FMNL2: variants seen among roughly 807,000 people sequenced by gnomAD.
FMNL2 encodes formin-like protein 2.
FMNL2 carries 51 observed loss-of-function variants against 130.2 expected under a neutral mutation model. The ratio of observed to expected loss-of-function variants is 0.39; its 90% CI spans 0.31 to 0.49. The LOEUF (loss-of-function observed/expected upper bound fraction) is 0.49. Ranked by LOEUF, FMNL2 falls within the 20% of genes least tolerant of loss-of-function variation. The pLI is 0.85. For missense variants in FMNL2, 977 were observed against 1,316.2 expected, an observed-to-expected ratio of 0.74 and a Z score of 3.99; for synonymous variants, 465 against 467.1, an observed-to-expected ratio of 1.00 and a Z score of 0.06.
intron 22 of FMNL2, among the ~76,000 whole-genome samples, chr2:152,637,238 A>G (rs1682694123): frequency 6.6e-6 from 1 of 152,146 alleles, no homozygotes; most frequent in African/African-American, 2.4e-5. Flanking sequence ...GGGTTCTGCC[A>G]CGGCCTTTGG....
chr2:152,351,236 A>C (rs1445776889), intron 1 of FMNL2, among the ~76,000 whole-genome samples: 1 of 152,184 alleles, frequency 6.6e-6, no homozygotes, highest in Admixed American at 6.6e-5. Flanking sequence ...CATGTGCAGA[A>C]CGTGCAGGTT....
At chr2:152,521,389 T>A (rs1693077590) in intron 1 of FMNL2, among the ~76,000 whole-genome samples, 1 of 152,190 alleles carries the variant, frequency 6.6e-6, no homozygotes. Flanking sequence ...CTGAGAATTG[T>A]GGTTATTAAT....
chr2:152,492,058 A>G (rs1691241292), intron 1 of FMNL2, among the ~76,000 whole-genome samples: 1 of 152,220 alleles, frequency 6.6e-6, no homozygotes, highest in South Asian at 2.1e-4. Flanking sequence ...TTGCTTTTGT[A>G]AAAATAAAAA....
chr2:152,506,085 G>A (rs1163288638), intron 1 of FMNL2, among the ~76,000 whole-genome samples: 1 of 152,196 alleles, frequency 6.6e-6, no homozygotes, highest in African/African-American at 2.4e-5. Context: ...AAGGTAACTA[G>A]GGTGCTGCGT....
At chr2:152,548,088 G>C (rs1694743737) in intron 3 of FMNL2, among the ~76,000 whole-genome samples, 1 of 152,160 alleles carries the variant, frequency 6.6e-6, no homozygotes, top group South Asian at 2.1e-4. Flanking sequence ...TTCCTGGAAG[G>C]GTAGGTGGGA....
At chr2:152,569,914 G>A (rs1696081901) in intron 6 of FMNL2, among the ~76,000 whole-genome samples, 1 of 151,598 alleles carries the variant, frequency 6.6e-6, no homozygotes, top group Non-Finnish European at 1.5e-5. Flanking sequence ...GGGAGGCTGA[G>A]GCAGGAGAAT....
chr2:152,361,558 T>C (rs151121083), intron 1 of FMNL2, among the ~76,000 whole-genome samples: 94 of 152,208 alleles, frequency 6.2e-4, no homozygotes, highest in Non-Finnish European at 1.2e-3. Flanking sequence ...TTTCTAGGTG[T>C]CTACATTTTA....
At position 152,495,668 on chromosome 2, in the gene FMNL2, G is replaced by T. The variant is rs77547643; in HGVS notation, c.118-26275G>T. ...TCCGTCTCACCAAAAAAAAAAAAAA[G>T]ATTTTTTTCATGCCCTAAAAGCTTT... On this transcript the variant is annotated intron_variant, in intron 1 of 25. Coordinates refer to ENST00000288670, the MANE Select transcript of FMNL2 (RefSeq NM_052905.4). 2.9e-4 allele frequency among the ~76,000 whole-genome samples: 12 copies of T among 41,024 alleles called. 1 individual carries two copies. The highest frequency in any genetic ancestry group is 2.6e-3 in the South Asian group (3 of 1,170). The allele number at this position is 41,024 out of a possible 152,430, so 26.9% of individuals were successfully genotyped here.
chr2:152,357,125 C>G (rs6743018), intron 1 of FMNL2, among the ~76,000 whole-genome samples: 1 of 81,520 alleles, frequency 1.2e-5, no homozygotes, highest in East Asian at 6.3e-4. Context: ...AATATTACAT[C>G]AGTTTAATGT....
chr2:152,636,573 G>T lies in FMNL2; in HGVS notation c.2827G>T (p.Asp943Tyr). ...GGGGAAGCTGAAGAAGCTGCAGGATGATGCCAAGATCGCACAGGCAAGTAT... is the reference window on the plus strand; with the variant it reads ...GGGGAAGCTGAAGAAGCTGCAGGATTATGCCAAGATCGCACAGGCAAGTAT... Reference protein sequence around the residue: ...NEGKLKKLQDDAKIAQDAFDD... With the variant: ...NEGKLKKLQDYAKIAQDAFDD... Residue 943 changes from aspartate (D) to tyrosine (Y), a missense_variant, in exon 22 of 26, where the codon GAT becomes TAT. By Grantham distance (160) the Asp-to-Tyr change is radical. Coordinates refer to ENST00000288670, the MANE Select transcript of FMNL2 (RefSeq NM_052905.4). 6.4e-7 allele frequency: 1 copy of T among 1,564,886 alleles called. No homozygotes were observed. Among genetic ancestry groups the T allele is most frequent in the Non-Finnish European group, 8.7e-7 (1 of 1,154,018 alleles).
intron 11 of FMNL2, among the ~76,000 whole-genome samples, chr2:152,614,515 C>T (rs139826717): frequency 1.3e-5 from 2 of 152,178 alleles, no homozygotes; most frequent in Non-Finnish European, 2.9e-5. Flanking sequence ...GAGGCTGAGC[C>T]GGGTGGATCA....
intron 13 of FMNL2, among the ~76,000 whole-genome samples, chr2:152,618,200 T>C (rs1699052581): frequency 6.6e-6 from 1 of 152,226 alleles, no homozygotes; most frequent in Non-Finnish European, 1.5e-5. Flanking sequence ...TTCTTTGTTT[T>C]CTGCTAAAAA....
intron 1 of FMNL2, among the ~76,000 whole-genome samples, chr2:152,503,168 T>A (rs1558919098): frequency 2.0e-5 from 3 of 152,064 alleles, no homozygotes; most frequent in Non-Finnish European, 4.4e-5. Context: ...ACCACTGCAG[T>A]GGGATTTTTG....
intron 1 of FMNL2, among the ~76,000 whole-genome samples, chr2:152,364,156 G>A (rs1683350595): frequency 1.3e-5 from 2 of 151,114 alleles, no homozygotes; most frequent in Admixed American, 6.6e-5. Context: ...GAAAGCAGAA[G>A]TAGGGTTAAG....
chr2:152,502,269 A>G (rs1440088783), intron 1 of FMNL2, among the ~76,000 whole-genome samples: 3 of 152,256 alleles, frequency 2.0e-5, no homozygotes, highest in Non-Finnish European at 2.9e-5. Context: ...AGCAGCGTCT[A>G]TTCATTGAAT....
chr2:152,378,113 A>G (rs961434039), intron 1 of FMNL2, among the ~76,000 whole-genome samples: 73 of 27,602 alleles, frequency 2.6e-3, no homozygotes, highest in African/African-American at 5.9e-3. Flanking sequence ...CCCTGTCTTG[A>G]AAAAAAAAAA....
chr2:152,470,801 T>C (rs1476003512), intron 1 of FMNL2, among the ~76,000 whole-genome samples: 2 of 152,254 alleles, frequency 1.3e-5, no homozygotes, highest in African/African-American at 4.8e-5. Context: ...GGTTATTACA[T>C]GAATGAGAGA....
intron 6 of FMNL2, among the ~76,000 whole-genome samples, chr2:152,569,833 A>AC (rs749584881): frequency 4.6e-5 from 7 of 151,746 alleles, no homozygotes; most frequent in Non-Finnish European, 8.8e-5. Context: ...ACATGGTGAA[A>AC]CCCCATCTCT....
chr2:152,417,607 G>A (rs1686684544), intron 1 of FMNL2, among the ~76,000 whole-genome samples: 1 of 152,106 alleles, frequency 6.6e-6, no homozygotes, highest in Non-Finnish European at 1.5e-5. Flanking sequence ...TGGCTTTCGA[G>A]GCAAAAGATC....
Sources: gnomAD v4.1 joint callset for allele counts (sites outside exome capture counted in the v4.1 genomes callset) on GRCh38, gnomAD v4.1.1 for gene constraint, MANE v1.5 for transcripts, NCBI Gene and HGNC (gene_info 2026-07-23, HGNC 2026-07-21) for gene names.